Variants in KCNH5 observed in about 807,000 individuals in gnomAD.
KCNH5 encodes potassium voltage-gated channel subfamily H member 5, also known as voltage-gated delayed rectifier potassium channel KCNH5.
Under a neutral mutation model 96.1 loss-of-function variants are expected in KCNH5, and 46 were observed. The ratio of observed to expected loss-of-function variants is 0.48; its 90% CI spans 0.38 to 0.61. The LOEUF (loss-of-function observed/expected upper bound fraction) is 0.61, where lower values mean the gene tolerates loss of function less well. Ranked by LOEUF, KCNH5 falls within the 20% of genes least tolerant of loss-of-function variation. The pLI, the probability that KCNH5 is intolerant of heterozygous loss-of-function variation, is 0.00. For missense variants in KCNH5, 907 were observed against 1,225.8 expected, an observed-to-expected ratio of 0.74 and a Z score of 3.88; for synonymous variants, 439 against 449.8, an observed-to-expected ratio of 0.98 and a Z score of 0.30.
intron 7 of KCNH5, among the ~76,000 whole-genome samples, chr14:62,880,774 T>C (rs943412710): frequency 6.6e-5 from 10 of 152,230 alleles, no homozygotes; most frequent in Admixed American, 6.5e-4. Context: ...TTCTCTTTGG[T>C]TGAATAATGA....
intron 7 of KCNH5, among the ~76,000 whole-genome samples, chr14:62,939,197 T>C (rs1447222884): frequency 6.6e-6 from 1 of 152,126 alleles, no homozygotes; most frequent in Non-Finnish European, 1.5e-5. Context: ...TCTCCCTTCC[T>C]TCTTAAAGCT....
intron 8 of KCNH5, among the ~76,000 whole-genome samples, chr14:62,816,578 C>T (rs41490444): frequency 0.064 from 9,800 of 151,942 alleles, 488 homozygotes; most frequent in East Asian, 0.26. Context: ...AAGTTTGCCT[C>T]AGGAATTTAG....
intron 5 of KCNH5, among the ~76,000 whole-genome samples, chr14:62,982,309 C>T (rs1890625297): frequency 6.6e-6 from 1 of 151,730 alleles, no homozygotes; most frequent in African/African-American, 2.4e-5. Flanking sequence ...AGCCTGGCGA[C>T]AGAGCGAGAC....
At chr14:62,881,506 C>A (rs1019652921) in intron 7 of KCNH5, among the ~76,000 whole-genome samples, 8 of 152,090 alleles carry the variant, frequency 5.3e-5, no homozygotes, top group African/African-American at 1.9e-4. Flanking sequence ...GGGAGAGGAT[C>A]AGGAGAAATA....
intron 1 of KCNH5, among the ~76,000 whole-genome samples, chr14:63,043,404 T>C (rs1016752221): frequency 1.3e-5 from 2 of 152,160 alleles, no homozygotes; most frequent in Non-Finnish European, 2.9e-5. Context: ...AGAAGACTTG[T>C]ATACTTAACT....
chr14:62,906,424 G>C (rs1311409473), intron 7 of KCNH5, among the ~76,000 whole-genome samples: 3 of 152,140 alleles, frequency 2.0e-5, no homozygotes, highest in Admixed American at 2.0e-4. Context: ...AGGAAACATA[G>C]AAGCTCATTC....
At chr14:62,832,507 C>T (rs1298584974) in intron 8 of KCNH5, among the ~76,000 whole-genome samples, 1 of 152,058 alleles carries the variant, frequency 6.6e-6, no homozygotes, top group African/African-American at 2.4e-5. Flanking sequence ...TCCACTTATC[C>T]ATTCATGGGC....
chr14:62,819,299 A>C (rs1332907617), intron 8 of KCNH5, among the ~76,000 whole-genome samples: 2 of 152,204 alleles, frequency 1.3e-5, no homozygotes, highest in African/African-American at 4.8e-5. Context: ...AATATAAAGT[A>C]CTGATTCATG....
intron 7 of KCNH5, among the ~76,000 whole-genome samples, chr14:62,892,743 G>T (rs1447909416): frequency 1.3e-5 from 2 of 152,114 alleles, no homozygotes; most frequent in African/African-American, 4.8e-5. Flanking sequence ...AAAATTATGC[G>T]AAATCTACTC....
chr14:62,870,304 A>C (rs986871597), intron 7 of KCNH5, among the ~76,000 whole-genome samples: 1 of 152,220 alleles, frequency 6.6e-6, no homozygotes, highest in East Asian at 1.9e-4. Flanking sequence ...TGCTTGGAGC[A>C]ATCACATGTA....
At chr14:62,781,076 T>C (rs571068077) in intron 9 of KCNH5, among the ~76,000 whole-genome samples, 1 of 152,110 alleles carries the variant, frequency 6.6e-6, no homozygotes, top group Non-Finnish European at 1.5e-5. Context: ...TTTTCTATTT[T>C]CCCCAAGCAT....
chr14:62,708,569 TAA>T lies in KCNH5; in HGVS notation c.2020-116_2020-115del, dbSNP rs1373621929. 4.8e-6 allele frequency: 3 copies of T among 623,256 alleles called. No homozygotes were observed. In the African/African-American group the frequency reaches 5.5e-5, roughly 11 times the overall value. The allele number at this position is 623,256 out of a possible 1,614,324, so 38.6% of individuals were successfully genotyped here. ...ACAAAGAAAACCCTTGAATATTTGA[TAA>T]GATTATTTCTCAAGAAAAAAAAATT... is the stretch of plus-strand genomic sequence containing the variant. On this transcript the variant is annotated intron_variant, in intron 10 of 10. Transcript: ENST00000322893.
At chr14:62,871,168 G>C (rs1888246508) in intron 7 of KCNH5, among the ~76,000 whole-genome samples, 1 of 152,154 alleles carries the variant, frequency 6.6e-6, no homozygotes, top group Non-Finnish European at 1.5e-5. Context: ...ATTATCATCT[G>C]TGTACCAGAC....
chr14:62,762,354 T>G (rs193265920), intron 10 of KCNH5, among the ~76,000 whole-genome samples: 4 of 152,252 alleles, frequency 2.6e-5, no homozygotes, highest in Non-Finnish European at 5.9e-5. Context: ...CAGCACAGCC[T>G]TGAATGCCCA....
chr14:62,818,955 A>C (rs1383882416), intron 8 of KCNH5, among the ~76,000 whole-genome samples: 4 of 152,142 alleles, frequency 2.6e-5, no homozygotes, highest in East Asian at 1.9e-4. Flanking sequence ...AATATTCTTT[A>C]TTTATTTATT....
At chr14:62,944,312 A>T (rs915774786) in intron 7 of KCNH5, among the ~76,000 whole-genome samples, 1 of 152,196 alleles carries the variant, frequency 6.6e-6, no homozygotes, top group East Asian at 1.9e-4. Flanking sequence ...TTTTCTCAAC[A>T]GAATATAGGC....
intron 7 of KCNH5, among the ~76,000 whole-genome samples, chr14:62,941,263 A>T (rs548688067): frequency 6.6e-6 from 1 of 152,294 alleles, no homozygotes; most frequent in Non-Finnish European, 1.5e-5. Context: ...GGGAAAGTCA[A>T]CCTTTACAGA....
intron 8 of KCNH5, among the ~76,000 whole-genome samples, chr14:62,830,677 A>G (rs1215759733): frequency 6.6e-6 from 1 of 152,074 alleles, no homozygotes; most frequent in Non-Finnish European, 1.5e-5. Context: ...ATCCCTCCCT[A>G]AGATGTGAGT....
chr14:63,014,069 C>T (rs1366803287), intron 2 of KCNH5, among the ~76,000 whole-genome samples: 8 of 152,036 alleles, frequency 5.3e-5, no homozygotes, highest in Admixed American at 4.6e-4. Flanking sequence ...TTTAGGTTAA[C>T]AAAACACATC....
Sources: gnomAD v4.1 joint callset for allele counts (sites outside exome capture counted in the v4.1 genomes callset) on GRCh38, gnomAD v4.1.1 for gene constraint, MANE v1.5 for transcripts, NCBI Gene and HGNC (gene_info 2026-07-23, HGNC 2026-07-21) for gene names.